The following GALNTL6 variants were observed in gnomAD, a reference collection of about 807,000 sequenced individuals.
GALNTL6 encodes polypeptide N-acetylgalactosaminyltransferase-like 6.
GALNTL6 carries 46 observed loss-of-function variants against 73.7 expected under a neutral mutation model. That is an observed-to-expected ratio of 0.62 (90% CI 0.49 to 0.80). The LOEUF (loss-of-function observed/expected upper bound fraction) is 0.80, where lower values mean the gene tolerates loss of function less well. Ranked by LOEUF, GALNTL6 falls within the 30% of genes least tolerant of loss-of-function variation. The probability of loss-of-function intolerance (pLI) is 0.00; values close to 1 mark genes in which losing one functional copy is unlikely to be tolerated. For missense variants in GALNTL6, 604 were observed against 755.0 expected, an observed-to-expected ratio of 0.80 and a Z score of 2.34; for synonymous variants, 259 against 263.7, an observed-to-expected ratio of 0.98 and a Z score of 0.17.
chr4:172,949,887 C>T lies in GALNTL6; in HGVS notation c.1150-2150C>T, dbSNP rs1579695842. Reference sequence around the variant, plus strand: ...TTGCACCACTGCACTCCAGCCTGGGCAACACAGTGAGACTCTGTCTCAAAA... The same window carrying T: ...TTGCACCACTGCACTCCAGCCTGGGTAACACAGTGAGACTCTGTCTCAAAA... On this transcript the variant is annotated intron_variant, in intron 9 of 12. Coordinates refer to ENST00000506823, the MANE Select transcript of GALNTL6 (RefSeq NM_001034845.3). 7.7e-5 allele frequency among the ~76,000 whole-genome samples: 10 copies of T among 129,412 alleles called. No homozygotes were observed. The Admixed American group carries it at 8.8e-4, about 11-fold the overall frequency. 84.9% of individuals were successfully genotyped at this position (129,412 alleles called of 152,430 possible).
At chr4:172,345,902 A>G (rs1741723747) in intron 4 of GALNTL6, among the ~76,000 whole-genome samples, 1 of 152,182 alleles carries the variant, frequency 6.6e-6, no homozygotes, top group South Asian at 2.1e-4. Context: ...GACAATATGG[A>G]ACATACCTCA....
At chr4:172,838,736 G>A (rs1255381250) in intron 7 of GALNTL6, among the ~76,000 whole-genome samples, 4 of 152,140 alleles carry the variant, frequency 2.6e-5, no homozygotes, top group Non-Finnish European at 2.9e-5. Context: ...TTCCTCTGAT[G>A]TATATAAATA....
At chr4:172,620,167 T>C (rs1447983354) in intron 5 of GALNTL6, among the ~76,000 whole-genome samples, 2 of 152,192 alleles carry the variant, frequency 1.3e-5, no homozygotes, top group Admixed American at 1.3e-4. Flanking sequence ...GATATAGTAA[T>C]GTATGCACAA....
intron 7 of GALNTL6, among the ~76,000 whole-genome samples, chr4:172,829,833 T>C (rs1057240898): frequency 1.3e-5 from 2 of 152,204 alleles, no homozygotes; most frequent in African/African-American, 2.4e-5. Flanking sequence ...CCAGTTTTAT[T>C]TGAGAAATTC....
At chr4:172,252,995 A>T (rs1476322729) in intron 3 of GALNTL6, among the ~76,000 whole-genome samples, 2 of 152,152 alleles carry the variant, frequency 1.3e-5, no homozygotes, top group East Asian at 3.9e-4. Context: ...AAATCCAACA[A>T]TTTTTGATCT....
At chr4:172,717,082 T>G (rs1478487791) in intron 5 of GALNTL6, among the ~76,000 whole-genome samples, 1 of 151,800 alleles carries the variant, frequency 6.6e-6, no homozygotes. Context: ...CTACCAGTTT[T>G]AAATATCAAT....
rs372823530 is a variant in GALNTL6, at chr4:172,862,469, TG to T, written c.924-20318del. On this transcript the variant is annotated intron_variant, in intron 7 of 12. Coordinates refer to ENST00000506823, the MANE Select transcript of GALNTL6 (RefSeq NM_001034845.3). ...AAGAAAAACCCTTGGGAGGCCAAGA[TG>T]GGTGGATTACAAGGTCAGGAGTTCA... Among the ~76,000 whole-genome samples, 9 of 152,206 alleles carry T rather than the reference TG, an allele frequency of 5.9e-5. No homozygotes were observed. In the East Asian group the frequency reaches 1.7e-3, roughly 29 times the overall value.
chr4:172,716,269 A>G (rs1036630263), intron 5 of GALNTL6, among the ~76,000 whole-genome samples: 3 of 152,178 alleles, frequency 2.0e-5, no homozygotes, highest in Non-Finnish European at 4.4e-5. Flanking sequence ...TGGGCTAAGA[A>G]GCCCTGCTGT....
intron 10 of GALNTL6, among the ~76,000 whole-genome samples, chr4:173,002,692 G>A (rs78954373): frequency 5.3e-5 from 8 of 151,164 alleles, no homozygotes; most frequent in Non-Finnish European, 8.8e-5. Context: ...CTACTTGGGA[G>A]GCTGAGGCAG....
intron 5 of GALNTL6, among the ~76,000 whole-genome samples, chr4:172,405,437 ATATATATTTTTTTTTTTTT>A (rs1224116524): frequency 0.11 from 289 of 2,622 alleles, no homozygotes; most frequent in African/African-American, 0.25. Flanking sequence ...ATATATATAT[ATATATATTTTTTTTTTTTT>A]TTTTTTTTTT....
At chr4:173,024,374 G>A (rs1753143241) in intron 12 of GALNTL6, among the ~76,000 whole-genome samples, 1 of 152,192 alleles carries the variant, frequency 6.6e-6, no homozygotes, top group South Asian at 2.1e-4. Flanking sequence ...ACATGCAAAG[G>A]CTCAAAATGG....
chr4:172,991,898 T>C (rs1282750498), intron 10 of GALNTL6, among the ~76,000 whole-genome samples: 1 of 152,226 alleles, frequency 6.6e-6, no homozygotes, highest in Non-Finnish European at 1.5e-5. Context: ...ATTTTAATGT[T>C]TCATTTATGG....
intron 3 of GALNTL6, among the ~76,000 whole-genome samples, chr4:172,288,975 T>C (rs1031929210): frequency 4.6e-5 from 7 of 152,178 alleles, no homozygotes; most frequent in African/African-American, 1.4e-4. Context: ...GCTTTGCATG[T>C]GACATTTAAA....
chr4:172,241,471 T>TA (rs1425475319), intron 3 of GALNTL6, among the ~76,000 whole-genome samples: 1 of 152,204 alleles, frequency 6.6e-6, no homozygotes, highest in Non-Finnish European at 1.5e-5. Flanking sequence ...TCTGTGCCCT[T>TA]AGAGTTAAAC....
intron 10 of GALNTL6, among the ~76,000 whole-genome samples, chr4:172,993,126 T>G (rs745566328): frequency 5.7e-4 from 87 of 152,214 alleles, no homozygotes; most frequent in Non-Finnish European, 1.2e-3. Flanking sequence ...GTTGAAGCCC[T>G]AATCCCCAAT....
intron 2 of GALNTL6, among the ~76,000 whole-genome samples, chr4:172,032,823 G>C (rs769787778): frequency 1.4e-4 from 21 of 151,988 alleles, no homozygotes; most frequent in Non-Finnish European, 1.8e-4. Flanking sequence ...GTCTCTTGCA[G>C]AAAGGTTTAA....
intron 10 of GALNTL6, among the ~76,000 whole-genome samples, chr4:172,999,337 T>C (rs775793490): frequency 1.3e-5 from 2 of 152,152 alleles, no homozygotes; most frequent in African/African-American, 4.8e-5. Flanking sequence ...AAACTGTGCA[T>C]GCGTGCGCAC....
intron 10 of GALNTL6, among the ~76,000 whole-genome samples, chr4:172,998,674 C>T (rs996660090): frequency 1.3e-5 from 2 of 152,158 alleles, no homozygotes; most frequent in African/African-American, 2.4e-5. Context: ...CCCTAGGCCT[C>T]CCCTACTGGA....
At chr4:172,374,066 G>A (rs1438176081) in intron 5 of GALNTL6, among the ~76,000 whole-genome samples, 2 of 152,194 alleles carry the variant, frequency 1.3e-5, no homozygotes, top group South Asian at 4.1e-4. Flanking sequence ...TCGTTCTCTG[G>A]AGCAGTGCAC....
Sources: gnomAD v4.1 joint callset for allele counts (sites outside exome capture counted in the v4.1 genomes callset) on GRCh38, gnomAD v4.1.1 for gene constraint, MANE v1.5 for transcripts, NCBI Gene and HGNC (gene_info 2026-07-23, HGNC 2026-07-21) for gene names.